Variants in IL1RAPL2 observed in about 807,000 individuals in gnomAD.
IL1RAPL2 encodes the protein interleukin 1 receptor accessory protein like 2, also known as X-linked interleukin-1 receptor accessory protein-like 2.
In IL1RAPL2, 3 loss-of-function variants were observed where a neutral mutation model predicts 44.1. That is an observed-to-expected ratio of 0.07 (90% CI 0.03 to 0.18). IL1RAPL2 has a LOEUF of 0.18. Ranked by LOEUF, IL1RAPL2 falls within the 10% of genes least tolerant of loss-of-function variation. The pLI is 1.00. For missense variants in IL1RAPL2, 391 were observed against 496.4 expected, an observed-to-expected ratio of 0.79 and a Z score of 2.02; for synonymous variants, 181 against 178.8, an observed-to-expected ratio of 1.01 and a Z score of -0.10.
intron 2 of IL1RAPL2, among the ~76,000 whole-genome samples, chrX:104,800,752 C>T (rs979073336): frequency 1.8e-5 from 2 of 112,290 alleles, no homozygotes; most frequent in Admixed American, 1.9e-4. Flanking sequence ...ATGCACTATC[C>T]CCCAGCAGAG....
chrX:105,060,272 A>G (rs2032054723), intron 2 of IL1RAPL2, among the ~76,000 whole-genome samples: 1 of 111,750 alleles, frequency 8.9e-6, no homozygotes, highest in Non-Finnish European at 1.9e-5. Context: ...GTTGAGGTAT[A>G]CTCCATCTAT....
intron 4 of IL1RAPL2, among the ~76,000 whole-genome samples, chrX:105,236,421 A>G (rs1223578221): frequency 1.8e-5 from 2 of 112,500 alleles, no homozygotes; most frequent in Non-Finnish European, 3.7e-5. Context: ...AACATTTCCT[A>G]AGTACTTACT....
chrX:105,766,543 A>G (rs1171879362), intron 10 of IL1RAPL2, among the ~76,000 whole-genome samples: 1 of 111,439 alleles, frequency 9.0e-6, no homozygotes, highest in East Asian at 2.8e-4. Context: ...TAAAAATAAA[A>G]TTAAAGAAGA....
At chrX:105,134,266 C>A (rs1247887174) in intron 2 of IL1RAPL2, among the ~76,000 whole-genome samples, 1 of 112,203 alleles carries the variant, frequency 8.9e-6, no homozygotes, top group Non-Finnish European at 1.9e-5. Flanking sequence ...TAGCCAATGG[C>A]TTAAATGAAA....
intron 5 of IL1RAPL2, among the ~76,000 whole-genome samples, chrX:105,353,773 C>T (rs1457588174): frequency 9.0e-6 from 1 of 111,417 alleles, no homozygotes; most frequent in Admixed American, 9.6e-5. Flanking sequence ...GATTTTTGCA[C>T]ATTGATTTTG....
chrX:105,382,415 A>G (rs1300128080), intron 5 of IL1RAPL2, among the ~76,000 whole-genome samples: 1 of 109,644 alleles, frequency 9.1e-6, no homozygotes, highest in African/African-American at 3.5e-5. Flanking sequence ...CAAAACCACA[A>G]TGAGATACCA....
intron 5 of IL1RAPL2, among the ~76,000 whole-genome samples, chrX:105,357,207 A>G (rs1299232194): frequency 9.0e-6 from 1 of 111,412 alleles, no homozygotes; most frequent in African/African-American, 3.3e-5. Context: ...AAAGGAAATC[A>G]TCTCATACCA....
chrX:105,622,814 A>C (rs771714933), intron 6 of IL1RAPL2, among the ~76,000 whole-genome samples: 81 of 111,397 alleles, frequency 7.3e-4, no homozygotes, highest in Middle Eastern at 9.2e-3. Context: ...TTTCTACATG[A>C]TGACTATAGA....
chrX:104,920,556 A>G (rs1371870370), intron 2 of IL1RAPL2, among the ~76,000 whole-genome samples: 12 of 102,497 alleles, frequency 1.2e-4, no homozygotes, highest in Non-Finnish European at 1.4e-4. Flanking sequence ...TCCTGCTTTC[A>G]TCATGTGACG....
intron 2 of IL1RAPL2, among the ~76,000 whole-genome samples, chrX:104,827,922 T>C (rs1921499622): frequency 8.9e-6 from 1 of 112,013 alleles, no homozygotes; most frequent in Admixed American, 9.5e-5. Context: ...AGTTTGGCTA[T>C]TGATACTTGT....
chrX:105,253,195 TA>T (rs1454228806), intron 4 of IL1RAPL2, among the ~76,000 whole-genome samples: 1 of 111,964 alleles, frequency 8.9e-6, no homozygotes, highest in Non-Finnish European at 1.9e-5. Flanking sequence ...ATGCCTATTT[TA>T]CACCTTTTGT....
intron 2 of IL1RAPL2, among the ~76,000 whole-genome samples, chrX:104,814,104 A>G (rs747482171): frequency 9.0e-6 from 1 of 111,447 alleles, no homozygotes; most frequent in Non-Finnish European, 1.9e-5. Flanking sequence ...GTTCTCAGTA[A>G]CAGGGAAAGA....
chrX:104,845,645 A>G (rs1922029083), intron 2 of IL1RAPL2, among the ~76,000 whole-genome samples: 1 of 111,692 alleles, frequency 9.0e-6, no homozygotes, highest in African/African-American at 3.3e-5. Context: ...TGGCTTTCGC[A>G]GTCTTTTGTG....
At chrX:104,955,461 A>G (rs1015528753) in intron 2 of IL1RAPL2, among the ~76,000 whole-genome samples, 1 of 105,584 alleles carries the variant, frequency 9.5e-6, no homozygotes, top group African/African-American at 3.6e-5. Flanking sequence ...GCTCACCATT[A>G]TATATGTTAT....
intron 5 of IL1RAPL2, among the ~76,000 whole-genome samples, chrX:105,461,490 T>C (rs2036092448): frequency 9.0e-6 from 1 of 110,994 alleles, no homozygotes; most frequent in Non-Finnish European, 1.9e-5. Flanking sequence ...CATTTCCAAA[T>C]TGAGTATATT....
At chrX:104,676,099 A>C (rs1190695458) in intron 2 of IL1RAPL2, among the ~76,000 whole-genome samples, 1 of 109,062 alleles carries the variant, frequency 9.2e-6, no homozygotes, top group Non-Finnish European at 1.9e-5. Flanking sequence ...GTCCATTTAC[A>C]TTTAAAGTTA....
In IL1RAPL2 at chrX:105,099,113, G is replaced by A. The variant is rs144872288; in HGVS notation, c.83-96362G>A. On this transcript the variant is annotated intron_variant, in intron 2 of 10. Transcript: ENST00000372582. ...GCAGCTATGTATAAGAATGTTGTGC[G>A]TTCAGAAAATTTCTAACAAGGGAGA... Among the ~76,000 whole-genome samples the A allele has an allele frequency of 7.5e-3, 843 of 112,233 alleles. 13 individuals are homozygous for A. The highest frequency in any genetic ancestry group is 0.026 in the African/African-American group (800 of 30,894).
intron 6 of IL1RAPL2, among the ~76,000 whole-genome samples, chrX:105,490,454 T>C (rs1218334810): frequency 1.8e-5 from 2 of 112,112 alleles, no homozygotes; most frequent in Admixed American, 1.9e-4. Flanking sequence ...TGCTATTGGC[T>C]CAAACTGTCT....
chrX:105,174,786 C>G (rs889003290), intron 2 of IL1RAPL2, among the ~76,000 whole-genome samples: 4 of 111,636 alleles, frequency 3.6e-5, no homozygotes, highest in African/African-American at 1.3e-4. Context: ...ACATCAGCAC[C>G]TTCAATGTCA....
Sources: allele counts gnomAD v4.1 joint callset (sites outside exome capture counted in the v4.1 genomes callset), GRCh38; gene constraint gnomAD v4.1.1; transcripts MANE v1.5; gene names NCBI Gene and HGNC (gene_info 2026-07-23, HGNC 2026-07-21).